Variants in LRRC36 observed in about 807,000 individuals in gnomAD.
LRRC36 encodes the protein leucine-rich repeat-containing protein 36.
In LRRC36, 62 loss-of-function variants were observed where a neutral mutation model predicts 81.1. That is an observed-to-expected ratio of 0.76 (90% confidence interval 0.62 to 0.94). LRRC36 has a LOEUF of 0.94. Ranked by LOEUF, LRRC36 falls within the 40% of genes least tolerant of loss-of-function variation. The pLI is 0.00. For synonymous variants in LRRC36, 334 were observed against 348.6 expected (o/e 0.96, Z 0.47); for missense variants, 761 against 881.7 (o/e 0.86, Z 1.73).
chr16:67,376,765 G>A lies in LRRC36; in HGVS notation c.1699G>A (p.Ala567Thr). 6.2e-7 allele frequency: 1 copy of A among 1,613,648 alleles called. No individual in the cohort carries two copies. The highest frequency in any genetic ancestry group is 8.5e-7 in the Non-Finnish European group (1 of 1,179,638). Residue 567 changes from alanine to threonine, a missense_variant, in exon 11 of 14, where the codon GCT (alanine) becomes ACT (threonine). Around this residue, in one of 3 missense-constraint regions of LRRC36, gnomAD observed 359 missense variants for 388.4 expected, o/e 0.92. Transcript: ENST00000329956. ...RDLLLSLVVP[A>T]PSQPRCCSHP... ...TTTGCTTCTGTCTTTGGTAGTCCCG[G>A]CTCCTTCTCAGCCGAGGTGTTGCTC...
chr16:67,358,834 G>A lies in LRRC36; in HGVS notation c.578-4756G>A, dbSNP rs191346684. On this transcript the variant is annotated intron_variant, in intron 5 of 13. Transcript: ENST00000329956. ...GGGAAATGCAAAGCAAAACTACAAG[G>A]AGATACCACTTCACATCCACTAGGC... Among the ~76,000 whole-genome samples, 204 of 152,160 alleles carry A rather than the reference G, an allele frequency of 1.3e-3. 4 individuals carry two copies. The Middle Eastern group carries it at 0.044, about 33-fold the overall frequency.
At chr16:67,359,066 G>C (rs144290592) in intron 5 of LRRC36, among the ~76,000 whole-genome samples, 1 of 152,294 alleles carries the variant, frequency 6.6e-6, no homozygotes, top group Non-Finnish European at 1.5e-5. Context: ...CTTATGCATC[G>C]CTGGTAGGAA....
At chr16:67,331,235 C>T (rs1485726757) in intron 1 of LRRC36, among the ~76,000 whole-genome samples, 1 of 152,206 alleles carries the variant, frequency 6.6e-6, no homozygotes, top group African/African-American at 2.4e-5. Flanking sequence ...AGTGCTGTTA[C>T]ATTGGCAATT....
intron 5 of LRRC36, among the ~76,000 whole-genome samples, chr16:67,357,227 C>T (rs946969451): frequency 5.9e-5 from 9 of 152,162 alleles, no homozygotes; most frequent in Admixed American, 6.5e-5. Context: ...GAATAAAAGA[C>T]ACAACTATTA....
Position 67,375,269 on chromosome 16 carries a change from G to C in LRRC36, c.1517G>C (p.Ser506Thr). ...GSEPLSSDLG[S>T]LHGLAGNHSP... ...GAGCCTCTCTCTAGTGACCTGGGTA[G>C]TTTGCACGGTTTGGCTGGAAACCAC... The change falls in exon 10 of 14, where the codon AGT (serine) becomes ACT (threonine). Residue 506 changes from serine (S) to threonine (T), a missense_variant. Physicochemically the swap from Ser to Thr is moderately conservative, Grantham distance 58. Around this residue, in one of 3 missense-constraint regions of LRRC36, gnomAD observed 359 missense variants for 388.4 expected, o/e 0.92. Coordinates refer to ENST00000329956, the MANE Select transcript of LRRC36 (RefSeq NM_018296.6). The C allele has an allele frequency of 6.2e-7, 1 of 1,612,476 alleles. No homozygotes were observed. The highest frequency in any genetic ancestry group is 8.5e-7 in the Non-Finnish European group (1 of 1,179,826).
intron 5 of LRRC36, among the ~76,000 whole-genome samples, chr16:67,355,720 T>G (rs1171576542): frequency 1.3e-5 from 2 of 152,218 alleles, no homozygotes; most frequent in Non-Finnish European, 2.9e-5. Flanking sequence ...TTATAGTTTC[T>G]CAAACTGGAC....
rs2038350246 is a variant in LRRC36, at chr16:67,346,409, C to T, written c.352C>T (p.Leu118Phe). 6.2e-7 allele frequency: 1 copy of T among 1,612,484 alleles called. No individual in the cohort carries two copies. The highest frequency in any genetic ancestry group is 8.5e-7 in the Non-Finnish European group (1 of 1,178,888). ...TGTAAGGAAAGATACAGATTATAGGCTCTTTGCTGTATATACACTACAAAC... is the reference window on the plus strand; with the variant it reads ...TGTAAGGAAAGATACAGATTATAGGTTCTTTGCTGTATATACACTACAAAC... The part of the protein sequence containing the change: ...PVVRKDTDYR[L>F]FAVYTLQTLE... Residue 118 changes from leucine (L) to phenylalanine (F), a missense_variant, in exon 3 of 14, where the codon CTC becomes TTC. By Grantham distance (22) the Leu-to-Phe change is conservative. Around this residue, in one of 3 missense-constraint regions of LRRC36, gnomAD observed 263 missense variants for 279.3 expected, o/e 0.94. Transcript: ENST00000329956.
chr16:67,329,692 T>G (rs1044851313), intron 1 of LRRC36, among the ~76,000 whole-genome samples: 10 of 151,950 alleles, frequency 6.6e-5, no homozygotes, highest in African/African-American at 2.4e-4. Context: ...CCAAGGTGGG[T>G]GGATCACTTG....
chr16:67,372,873 T>C (rs16957374), intron 9 of LRRC36, among the ~76,000 whole-genome samples: 4,222 of 152,302 alleles, frequency 0.028, 61 homozygotes, highest in South Asian at 0.031. Flanking sequence ...GGGGCAGTCT[T>C]GTAATGTTTT....
At chr16:67,354,716 A>T (rs1226133355) in intron 5 of LRRC36, among the ~76,000 whole-genome samples, 1 of 152,180 alleles carries the variant, frequency 6.6e-6, no homozygotes, top group East Asian at 1.9e-4. Flanking sequence ...CCTGCCCCAG[A>T]GTGGTACATT....
chr16:67,333,647 A>C (rs1219163553), intron 1 of LRRC36, among the ~76,000 whole-genome samples: 1 of 152,090 alleles, frequency 6.6e-6, no homozygotes, highest in African/African-American at 2.4e-5. Context: ...GAATCATATA[A>C]TATGTAGCCT....
intron 12 of LRRC36, among the ~76,000 whole-genome samples, chr16:67,381,230 G>GAAAAA (rs1179228134): frequency 2.7e-4 from 11 of 41,108 alleles, no homozygotes; most frequent in Non-Finnish European, 4.9e-4. Flanking sequence ...CTCTGCCTCA[G>GAAAAA]AAAAAAAAAA....
Position 67,357,184 on chromosome 16 carries a change from A to G in LRRC36, c.578-6406A>G, listed in dbSNP as rs146336327. ...GTATTTTTACCTGCAGTGTTTTGCT[A>G]TATAGTTCAAACTTCAGAAGAATGG... On this transcript the variant is annotated intron_variant, in intron 5 of 13. Coordinates refer to ENST00000329956, the MANE Select transcript of LRRC36 (RefSeq NM_018296.6). 1.6e-3 allele frequency among the ~76,000 whole-genome samples: 248 copies of G among 152,346 alleles called. 3 individuals are homozygous for G. The highest frequency in any genetic ancestry group is 5.7e-3 in the African/African-American group (237 of 41,582).
At chr16:67,345,128 A>G (rs1033084141) in intron 2 of LRRC36, among the ~76,000 whole-genome samples, 3 of 152,076 alleles carry the variant, frequency 2.0e-5, no homozygotes, top group Admixed American at 2.0e-4. Context: ...CCTGGGCAAC[A>G]TAGTGAGACA....
At position 67,367,465 on chromosome 16, in the gene LRRC36, CT is replaced by C. The variant is rs1212358040; in HGVS notation, c.1195+10del. The C allele has an allele frequency of 6.2e-7, 1 of 1,601,616 alleles. No homozygotes were observed. The highest frequency in any genetic ancestry group is 2.2e-5 in the East Asian group (1 of 44,788). On this transcript the variant is annotated intron_variant, in intron 8 of 13. Transcript: ENST00000329956. ...TTTTGAAGCTTAGTTCAGGTAACAG[CT>C]TCCTGTCAGTTTACAGGTCTTCTTC...
chr16:67,367,524 T>G, intron 8 of LRRC36, 67 bp downstream of exon 8: 1 of 1,430,932 alleles, frequency 7.0e-7, no homozygotes, highest in East Asian at 2.3e-5. Flanking sequence ...TAAGTGAAAA[T>G]TTTGGAATTA....
chr16:67,354,422 C>T (rs892696433), intron 5 of LRRC36, among the ~76,000 whole-genome samples: 7 of 151,948 alleles, frequency 4.6e-5, no homozygotes, highest in Non-Finnish European at 1.0e-4. Context: ...GGATTACAGG[C>T]GTGTACCACC....
At chr16:67,341,006 T>TGTATTCTATAGAATATGTACTCTAC (rs2038027747) in intron 1 of LRRC36, among the ~76,000 whole-genome samples, 1 of 88,986 alleles carries the variant, frequency 1.1e-5, no homozygotes, top group East Asian at 2.5e-4. Flanking sequence ...ATATAGAATA[T>TGTATTCTATAGAATATGTACTCTAC]GTATTCTATA....
intron 5 of LRRC36, among the ~76,000 whole-genome samples, chr16:67,357,670 G>C (rs1383337935): frequency 6.6e-6 from 1 of 152,188 alleles, no homozygotes; most frequent in Non-Finnish European, 1.5e-5. Context: ...ATGGCATCAG[G>C]AGATGGTTCT....
Sources: gnomAD v4.1 joint callset for allele counts (sites outside exome capture counted in the v4.1 genomes callset) on GRCh38, gnomAD v4.1.1 for gene constraint, gnomAD v4.1.1 regional missense constraint, MANE v1.5 for transcripts, NCBI Gene and HGNC (gene_info 2026-07-23, HGNC 2026-07-21) for gene names.